LRP2: variants seen among roughly 807,000 people sequenced by gnomAD.
The protein encoded by LRP2 is low-density lipoprotein receptor-related protein 2.
Under a neutral mutation model 531.0 loss-of-function variants are expected in LRP2, and 172 were observed. The observed-to-expected ratio is 0.32, with a 90% CI of 0.29 to 0.37. The LOEUF (loss-of-function observed/expected upper bound fraction) is 0.37, where lower values mean the gene tolerates loss of function less well. Ranked by LOEUF, LRP2 falls within the 10% of genes least tolerant of loss-of-function variation. LRP2 has a pLI of 1.00. For synonymous variants in LRP2, 1,992 were observed against 2,027.6 expected (o/e 0.98, Z 0.47); for missense variants, 5,167 against 5,868.3 (o/e 0.88, Z 3.90).
At chr2:169,177,481 A>G (rs1326283299) in intron 53 of LRP2, among the ~76,000 whole-genome samples, 1 of 152,206 alleles carries the variant, frequency 6.6e-6, no homozygotes. Flanking sequence ...AAAATACTTC[A>G]GTCTTCCCAT....
At chr2:169,165,602 A>T (rs1686752337) in intron 62 of LRP2, among the ~76,000 whole-genome samples, 1 of 152,180 alleles carries the variant, frequency 6.6e-6, no homozygotes, top group Admixed American at 6.5e-5. Flanking sequence ...TAAACTATTA[A>T]TTTGCGAGGT....
At chr2:169,244,972 T>C (rs926733481) in intron 21 of LRP2, 40 bp from the exon 22 acceptor site, 2 of 1,613,450 alleles carry the variant, frequency 1.2e-6, no homozygotes, top group African/African-American at 1.3e-5. Context: ...CATTTGTTTT[T>C]ACAGCCTTTT....
In LRP2 at chr2:169,239,706, T is replaced by C; in HGVS notation, c.4115A>G (p.Lys1372Arg). The C allele has an allele frequency of 5.0e-6, 8 of 1,614,042 alleles. No homozygotes were observed. Among genetic ancestry groups the C allele is most frequent in the Non-Finnish European group, 6.8e-6 (8 of 1,179,878 alleles). ...HECVQEPFGAKCLCPLGFLLA... is the reference protein window; with the variant it reads ...HECVQEPFGARCLCPLGFLLA... ...TAAGAATCCCAATGGACATAGGCAT[T>C]TAGCCCCAAAGGGCTCTTGAACACA... Residue 1372 changes from lysine (K) to arginine (R), a missense_variant, in exon 26 of 79, where the codon AAA becomes AGA. Physicochemically the swap from Lys to Arg is conservative, Grantham distance 26. Around this residue, in one of 6 missense-constraint regions of LRP2, gnomAD observed 2,811 missense variants for 3,058.0 expected, o/e 0.92. Transcript: ENST00000649046.
chr2:169,262,937 C>T (rs564428766), intron 16 of LRP2, among the ~76,000 whole-genome samples: 137 of 152,072 alleles, frequency 9.0e-4, no homozygotes, highest in Non-Finnish European at 1.7e-3. Context: ...TCAGAAATAA[C>T]GCCGTATATC....
At chr2:169,191,281 C>G (rs1356814205) in intron 48 of LRP2, among the ~76,000 whole-genome samples, 1 of 152,170 alleles carries the variant, frequency 6.6e-6, no homozygotes, top group African/African-American at 2.4e-5. Flanking sequence ...GAGCCAAGCT[C>G]TATTTATCAT....
intron 9 of LRP2, among the ~76,000 whole-genome samples, chr2:169,285,343 C>A (rs910500380): frequency 6.6e-6 from 1 of 151,790 alleles, no homozygotes; most frequent in Admixed American, 6.6e-5. Context: ...ACTTTTGTGA[C>A]AATAAGATTG....
intron 9 of LRP2, among the ~76,000 whole-genome samples, chr2:169,287,028 C>T (rs1683877462): frequency 6.6e-6 from 1 of 152,178 alleles, no homozygotes; most frequent in Non-Finnish European, 1.5e-5. Context: ...TGGCCTCACA[C>T]CCACAGACGA....
chr2:169,351,350 G>A (rs1167965314), intron 1 of LRP2, among the ~76,000 whole-genome samples: 4 of 152,124 alleles, frequency 2.6e-5, no homozygotes, highest in Non-Finnish European at 4.4e-5. Flanking sequence ...AAGTGGAACC[G>A]AAAAAATAGA....
chr2:169,362,403 C>G lies in LRP2; in HGVS notation c.-4G>C. On this transcript the variant is annotated 5_prime_UTR_variant, in exon 1 of 79. Transcript: ENST00000649046. ...CTGCTGCCGGCCCGCGATCCATCTC[C>G]GCGACGGTCCCCGGCCTCGCCGTTC... 6.4e-7 allele frequency: 1 copy of G among 1,557,854 alleles called. No individual in the cohort carries two copies. Among genetic ancestry groups the G allele is most frequent in the Non-Finnish European group, 8.7e-7 (1 of 1,153,672 alleles).
rs1293329703 is a variant in LRP2 at position 169,128,709 on chromosome 2, G to GT, written c.13921dup (p.Thr4641AsnfsTer3). 1 of 1,614,096 alleles carries GT rather than the reference G, an allele frequency of 6.2e-7. No homozygotes were observed. Reference sequence around the variant, plus strand: ...AACAAGATTTGCGGTGTCTTTAAAAGTGTCTTCTGTTGCAGAATAGGTTGG... The same window carrying GT: ...AACAAGATTTGCGGTGTCTTTAAAAGTTGTCTTCTGTTGCAGAATAGGTTGG... On this transcript the variant is annotated frameshift_variant, in exon 79 of 79. Transcript: ENST00000649046. LOFTEE classifies it high-confidence loss of function.
Position 169,207,047 on chromosome 2 carries a change from G to C in LRP2, c.6673C>G (p.Arg2225Gly). The C allele has an allele frequency of 6.2e-7, 1 of 1,614,154 alleles. No individual in the cohort carries two copies. The highest frequency in any genetic ancestry group is 8.5e-7 in the Non-Finnish European group (1 of 1,180,018). ...ATGCCCTCTGACACAAGCACTGTTC[G>C]ATTGGTACAGTCAAGGAAAGAACGC... Reference protein sequence around the residue: ...IERSFLDCTNRTVLVSEGIVT... With the variant: ...IERSFLDCTNGTVLVSEGIVT... Residue 2225 changes from arginine to glycine, a missense_variant, in exon 39 of 79, where the codon CGA (arginine) becomes GGA (glycine). Transcript: ENST00000649046.
chr2:169,343,030 G>A (rs1685607255), intron 1 of LRP2, among the ~76,000 whole-genome samples: 1 of 152,048 alleles, frequency 6.6e-6, no homozygotes, highest in African/African-American at 2.4e-5. Context: ...GTCTTCCCTG[G>A]GCAAATCCTT....
In LRP2 at chr2:169,128,524, C is replaced by A; in HGVS notation, c.*139G>T. 1 of 769,946 alleles carries A rather than the reference C, an allele frequency of 1.3e-6. No homozygotes were observed. The highest frequency in any genetic ancestry group is 1.7e-5 in the South Asian group (1 of 60,444). The allele number at this position is 769,946 out of a possible 1,614,324, so 47.7% of individuals were successfully genotyped here. ...GACGGCATAAGTAAAAAAAGACACA[C>A]AGGATACCTCCAACTATAGGCAAAC... is the stretch of plus-strand genomic sequence containing the variant. On this transcript the variant is annotated 3_prime_UTR_variant, in exon 79 of 79. Transcript: ENST00000649046.
At chr2:169,131,808 C>G (rs943357277) in intron 77 of LRP2, among the ~76,000 whole-genome samples, 4 of 152,170 alleles carry the variant, frequency 2.6e-5, no homozygotes, top group Non-Finnish European at 4.4e-5. Context: ...ACTCTAGCCC[C>G]AGAAGTAAAA....
intron 57 of LRP2, among the ~76,000 whole-genome samples, chr2:169,172,407 T>C (rs542290820): frequency 6.6e-6 from 1 of 152,326 alleles, no homozygotes; most frequent in South Asian, 2.1e-4. Flanking sequence ...AGGCCTGGTA[T>C]GGGAGGCTAA....
At chr2:169,351,364 A>G (rs1685842602) in intron 1 of LRP2, among the ~76,000 whole-genome samples, 1 of 152,228 alleles carries the variant, frequency 6.6e-6, no homozygotes, top group African/African-American at 2.4e-5. Flanking sequence ...AAATAGAGTG[A>G]TAGTTAGAAG....
intron 70 of LRP2, 122 bp downstream of exon 70, chr2:169,145,625 C>A: frequency 1.1e-6 from 1 of 930,658 alleles, no homozygotes; most frequent in Non-Finnish European, 1.7e-6. Flanking sequence ...CACATATACC[C>A]CTTTCATGCA....
chr2:169,134,979 A>G (rs994675013), intron 76 of LRP2, among the ~76,000 whole-genome samples: 14 of 152,112 alleles, frequency 9.2e-5, no homozygotes, highest in African/African-American at 3.1e-4. Flanking sequence ...CCTTCACATT[A>G]GTCACTCCCA....
In LRP2 at chr2:169,146,855, G is replaced by A; in HGVS notation, c.12695C>T (p.Thr4232Ile). The A allele has an allele frequency of 6.2e-7, 1 of 1,614,168 alleles. No individual in the cohort carries two copies. The highest frequency in any genetic ancestry group is 8.5e-7 in the Non-Finnish European group (1 of 1,180,022). ...ILVFEDLGWPTGLSIDYLNND... is the reference protein window; with the variant it reads ...ILVFEDLGWPIGLSIDYLNND... ...GTTCAAATAATCGATAGAAAGGCCA[G>A]TTGGCCAACCAAGGTCCTCGAAAAC... is the stretch of plus-strand genomic sequence containing the variant. Residue 4232 changes from threonine (T) to isoleucine (I), a missense_variant, in exon 69 of 79, where the codon ACT (threonine) becomes ATT (isoleucine). Around this residue, in one of 6 missense-constraint regions of LRP2, gnomAD observed 564 missense variants for 747.7 expected, o/e 0.75. Coordinates refer to ENST00000649046, the MANE Select transcript of LRP2 (RefSeq NM_004525.3).
Sources: gnomAD v4.1 joint callset for allele counts (sites outside exome capture counted in the v4.1 genomes callset) on GRCh38, gnomAD v4.1.1 for gene constraint, gnomAD v4.1.1 regional missense constraint, MANE v1.5 for transcripts, NCBI Gene and HGNC (gene_info 2026-07-23, HGNC 2026-07-21) for gene names.